The following KAZN variants were observed in gnomAD, a reference collection of about 807,000 sequenced individuals.
KAZN encodes the protein kazrin.
Under a neutral mutation model 87.4 loss-of-function variants are expected in KAZN, and 40 were observed. The observed-to-expected ratio is 0.46, with a 90% confidence interval of 0.36 to 0.60. KAZN has a LOEUF of 0.60. Ranked by LOEUF, KAZN falls within the 20% of genes least tolerant of loss-of-function variation. KAZN has a pLI of 0.00. For synonymous variants in KAZN, 466 were observed against 458.3 expected (o/e 1.02, Z -0.22); for missense variants, 898 against 1,073.9 (o/e 0.84, Z 2.29).
intron 1 of KAZN, among the ~76,000 whole-genome samples, chr1:14,881,410 C>A (rs900409497): frequency 1.8e-4 from 28 of 152,216 alleles, no homozygotes; most frequent in African/African-American, 6.8e-4. Context: ...TCATTTGAGG[C>A]TACTAAGGCA....
intron 2 of KAZN, among the ~76,000 whole-genome samples, chr1:15,029,253 A>C (rs749412128): frequency 1.1e-4 from 16 of 152,188 alleles, no homozygotes; most frequent in Non-Finnish European, 2.2e-4. Flanking sequence ...TGTCTCCTCT[A>C]TGAGAGCGTC....
intron 1 of KAZN, among the ~76,000 whole-genome samples, chr1:14,684,184 T>C (rs894152329): frequency 2.0e-5 from 3 of 152,178 alleles, no homozygotes; most frequent in Non-Finnish European, 4.4e-5. Context: ...TTGAGCCTTT[T>C]CATGGACATT....
intron 1 of KAZN, among the ~76,000 whole-genome samples, chr1:14,887,516 G>A (rs773621589): frequency 2.4e-4 from 37 of 152,232 alleles, no homozygotes; most frequent in Non-Finnish European, 3.5e-4. Context: ...TAGTTTGTCT[G>A]CCTACGCAGG....
chr1:14,087,600 T>G (rs1246111108), intron 1 of KAZN, among the ~76,000 whole-genome samples: 1 of 152,098 alleles, frequency 6.6e-6, no homozygotes, highest in East Asian at 1.9e-4. Flanking sequence ...GTTTTAGATA[T>G]GTTTCATCAG....
intron 2 of KAZN, among the ~76,000 whole-genome samples, chr1:14,339,437 G>A (rs986509928): frequency 9.2e-5 from 14 of 152,170 alleles, no homozygotes; most frequent in African/African-American, 3.1e-4. Flanking sequence ...CCAGTAGGAT[G>A]TGTATATGCA....
At chr1:13,919,687 C>G (rs1401241744) in intron 1 of KAZN, among the ~76,000 whole-genome samples, 1 of 152,002 alleles carries the variant, frequency 6.6e-6, no homozygotes, top group African/African-American at 2.4e-5. Context: ...CTGTGTTTTC[C>G]TTATTAAATT....
In KAZN at chr1:15,100,376, C is replaced by G. The variant is rs545502927; in HGVS notation, c.1548-1167C>G. Among the ~76,000 whole-genome samples, 41 of 152,322 alleles carry G rather than the reference C, an allele frequency of 2.7e-4. No individual in the cohort carries two copies. The Middle Eastern group carries it at 0.01, about 38-fold the overall frequency. Reference sequence around the variant, plus strand: ...CTGTCTCTGGCTGCTGCCCCAGGAGCAGGGTGGAGTGGCTTTGCAAGCCCA... The same window carrying G: ...CTGTCTCTGGCTGCTGCCCCAGGAGGAGGGTGGAGTGGCTTTGCAAGCCCA... On this transcript the variant is annotated intron_variant, in intron 10 of 14. Coordinates refer to ENST00000376030, the MANE Select transcript of KAZN (RefSeq NM_201628.3).
chr1:14,387,999 C>T (rs146769234), intron 2 of KAZN, among the ~76,000 whole-genome samples: 7,106 of 152,204 alleles, frequency 0.047, 358 homozygotes, highest in East Asian at 0.28. Flanking sequence ...GATCCAGGTG[C>T]GGGATATAAT....
rs147753582 is a variant in KAZN, at chr1:14,264,253, A to G, written c.249+83661A>G. 4.5e-3 allele frequency among the ~76,000 whole-genome samples: 686 copies of G among 152,274 alleles called. 5 individuals carry two copies. Among genetic ancestry groups the G allele is most frequent in the African/African-American group, 0.015 (630 of 41,544 alleles). On this transcript the variant is annotated intron_variant, in intron 2 of 16. Transcript: ENST00000636203. ...GTCAAATTCAGTTCCTCGCAATTGTAGGACTGAAGTCTCCATTTCTTTGGT... is the reference window on the plus strand; with the variant it reads ...GTCAAATTCAGTTCCTCGCAATTGTGGGACTGAAGTCTCCATTTCTTTGGT...
intron 1 of KAZN, among the ~76,000 whole-genome samples, chr1:14,050,168 G>A (rs1182834005): frequency 1.3e-5 from 2 of 151,334 alleles, no homozygotes; most frequent in Admixed American, 6.6e-5. Flanking sequence ...GCGCGTGTGT[G>A]GGTGTGTGCG....
chr1:14,164,547 T>C (rs1281801208), intron 1 of KAZN, among the ~76,000 whole-genome samples: 3 of 148,110 alleles, frequency 2.0e-5, no homozygotes. Context: ...TTTTTTTTTT[T>C]TTTTTTTTTT....
At chr1:14,371,975 G>C (rs1378531767) in intron 2 of KAZN, among the ~76,000 whole-genome samples, 1 of 152,224 alleles carries the variant, frequency 6.6e-6, no homozygotes, top group African/African-American at 2.4e-5. Context: ...GAAACTGGCA[G>C]AGAATCTTTC....
chr1:14,012,808 G>A (rs1278407625), intron 1 of KAZN, among the ~76,000 whole-genome samples: 3 of 152,144 alleles, frequency 2.0e-5, no homozygotes, highest in Non-Finnish European at 4.4e-5. Flanking sequence ...CAGTTTGGAT[G>A]GCAAAGAGAG....
chr1:15,013,579 C>T (rs1669793387), intron 2 of KAZN, among the ~76,000 whole-genome samples: 1 of 151,872 alleles, frequency 6.6e-6, no homozygotes, highest in Non-Finnish European at 1.5e-5. Flanking sequence ...CAAGGTGAAA[C>T]CCCGTCTCTA....
At chr1:14,468,472 G>A (rs751062362) in intron 2 of KAZN, among the ~76,000 whole-genome samples, 3 of 152,114 alleles carry the variant, frequency 2.0e-5, no homozygotes, top group Admixed American at 6.5e-5. Flanking sequence ...TCTAGCCAAC[G>A]TGCCCACTTT....
intron 1 of KAZN, among the ~76,000 whole-genome samples, chr1:14,731,874 G>A (rs2100366441): frequency 6.6e-6 from 1 of 152,330 alleles, no homozygotes; most frequent in African/African-American, 2.4e-5. Flanking sequence ...AACCAAATGA[G>A]GGGGGTTGGG....
chr1:14,212,482 G>GAA lies in KAZN; in HGVS notation c.249+31903_249+31904dup, dbSNP rs770629731. ...TCAATATACCACAGATTATAAGCCAGAAAAAAAAAAAAAAGGTAAAATGAG... is the reference window on the plus strand; with the variant it reads ...TCAATATACCACAGATTATAAGCCAGAAAAAAAAAAAAAAAAGGTAAAATGAG... On this transcript the variant is annotated intron_variant, in intron 2 of 16. Transcript: ENST00000636203. Among the ~76,000 whole-genome samples the GAA allele has an allele frequency of 6.8e-5, 8 of 117,916 alleles. No individual in the cohort carries two copies. In the South Asian group the frequency reaches 1.3e-3, roughly 19 times the overall value. The allele number at this position is 117,916 out of a possible 152,430, so 77.4% of individuals were successfully genotyped here.
rs1278376913 is a variant in KAZN at position 14,960,502 on chromosome 1, T to C, written c.227-182T>C. ...CTAGGTGAGCTCTGCAGACTGTGGGTGGGGCCTAGAATTGGTGCTGAGGCT... is the reference window on the plus strand; with the variant it reads ...CTAGGTGAGCTCTGCAGACTGTGGGCGGGGCCTAGAATTGGTGCTGAGGCT... On this transcript the variant is annotated intron_variant, in intron 1 of 14. Transcript: ENST00000376030. 2.0e-5 allele frequency among the ~76,000 whole-genome samples: 3 copies of C among 152,120 alleles called. No homozygotes were observed. In the East Asian group the frequency reaches 5.8e-4, roughly 29 times the overall value.
intron 1 of KAZN, among the ~76,000 whole-genome samples, chr1:14,002,064 A>T (rs1639817133): frequency 6.6e-6 from 1 of 152,212 alleles, no homozygotes. Flanking sequence ...GTGAACAGGC[A>T]ACCTACAGAA....
Sources: gnomAD v4.1 joint callset for allele counts (sites outside exome capture counted in the v4.1 genomes callset) on GRCh38, gnomAD v4.1.1 for gene constraint, MANE v1.5 for transcripts, NCBI Gene and HGNC (gene_info 2026-07-23, HGNC 2026-07-21) for gene names.